MAMDC2: variants seen among roughly 807,000 people sequenced by gnomAD.
The protein encoded by MAMDC2 is MAM domain-containing protein 2.
In MAMDC2, 57 loss-of-function variants were observed where a neutral mutation model predicts 89.8. That is an observed-to-expected ratio of 0.63 (90% CI 0.51 to 0.79). The LOEUF (loss-of-function observed/expected upper bound fraction) is 0.79. Ranked by LOEUF, MAMDC2 falls within the 30% of genes least tolerant of loss-of-function variation. The pLI, the probability that MAMDC2 is intolerant of heterozygous loss-of-function variation, is 0.00. For missense variants in MAMDC2, 800 were observed against 820.6 expected, an observed-to-expected ratio of 0.97 and a Z score of 0.31; for synonymous variants, 313 against 293.4, an observed-to-expected ratio of 1.07 and a Z score of -0.68.
intron 8 of MAMDC2, 66 bp from the exon 9 acceptor site, chr9:70,143,488 A>AT: frequency 4.5e-6 from 7 of 1,556,682 alleles, no homozygotes; most frequent in Non-Finnish European, 6.1e-6. Context: ...CTTTAATCAT[A>AT]TTTTACCACT....
At chr9:70,200,539 T>C (rs2033080083) in intron 11 of MAMDC2, among the ~76,000 whole-genome samples, 1 of 151,824 alleles carries the variant, frequency 6.6e-6, no homozygotes, top group Non-Finnish European at 1.5e-5. Flanking sequence ...ATGCGGGCTC[T>C]TTTTTGGTTC....
chr9:70,205,001 G>A (rs965466698), intron 11 of MAMDC2, among the ~76,000 whole-genome samples: 1 of 152,226 alleles, frequency 6.6e-6, no homozygotes, highest in Non-Finnish European at 1.5e-5. Flanking sequence ...TGGAAATGCA[G>A]AAATCACCCG....
chr9:70,170,806 CTGTT>C, intron 11 of MAMDC2, 175 bp downstream of exon 11: 1 of 548,158 alleles, frequency 1.8e-6, no homozygotes, highest in Non-Finnish European at 3.1e-6. Context: ...CTCATCCTTT[CTGTT>C]TATTACATTG....
Position 70,140,227 on chromosome 9 carries a change from T to A in MAMDC2, c.1077T>A (p.Gly359=). The A allele has an allele frequency of 6.2e-7, 1 of 1,601,152 alleles. No individual in the cohort carries two copies. The highest frequency in any genetic ancestry group is 8.5e-7 in the Non-Finnish European group (1 of 1,176,060). The change falls in exon 8 of 14, where the codon GGT becomes GGA. Residue 359 remains glycine (G), a synonymous_variant. Transcript: ENST00000377182. The part of the protein sequence containing the change: ...CNFYQDKEGP[G]WTRVKVKPNM... ...TTTACCAAGATAAAGAAGGTCCAGG[T>A]TGGACCCGAGTGAAAGTAAAACCAA...
intron 11 of MAMDC2, among the ~76,000 whole-genome samples, chr9:70,173,245 A>G (rs2032405571): frequency 6.6e-6 from 1 of 152,014 alleles, no homozygotes; most frequent in African/African-American, 2.4e-5. Flanking sequence ...AAAATACCCA[A>G]ACTGAATCTC....
chr9:70,054,200 C>T (rs533213652), intron 2 of MAMDC2, among the ~76,000 whole-genome samples: 10 of 152,028 alleles, frequency 6.6e-5, no homozygotes, highest in Non-Finnish European at 1.5e-4. Flanking sequence ...AGTATGGGAA[C>T]CTTTAGCAGA....
chr9:70,147,322 G>T (rs1390009589), intron 9 of MAMDC2, among the ~76,000 whole-genome samples: 2 of 149,954 alleles, frequency 1.3e-5, no homozygotes, highest in Admixed American at 1.3e-4. Flanking sequence ...TTTTCTGATG[G>T]TTTTTCTTCC....
At chr9:70,117,817 C>T (rs1430061739) in intron 5 of MAMDC2, among the ~76,000 whole-genome samples, 1 of 152,174 alleles carries the variant, frequency 6.6e-6, no homozygotes, top group South Asian at 2.1e-4. Flanking sequence ...GGATTTCTCA[C>T]CACCTGTAAT....
rs1215738162 is a variant in MAMDC2, at chr9:70,221,356, A to AATATATATATATAT, written c.1911+2772_1911+2785dup. Among the ~76,000 whole-genome samples, 66 of 9,372 alleles carry AATATATATATATAT rather than the reference A, an allele frequency of 7.0e-3. 8 individuals carry two copies. Among genetic ancestry groups the AATATATATATATAT allele is most frequent in the East Asian group, 0.033 (5 of 152 alleles). 6.1% of individuals were successfully genotyped at this position (9,372 alleles called of 152,430 possible). On this transcript the variant is annotated intron_variant, in intron 12 of 13. Coordinates refer to ENST00000377182, the MANE Select transcript of MAMDC2 (RefSeq NM_153267.5). ...AAAAAAAAAAGCAAGCCAAACAACAAATATATATATATATATATATATATA... is the reference window on the plus strand; with the variant it reads ...AAAAAAAAAAGCAAGCCAAACAACAAATATATATATATATATATATATATATATATATATATATA...
chr9:70,070,695 C>T (rs1359432601), intron 2 of MAMDC2, among the ~76,000 whole-genome samples: 1 of 152,086 alleles, frequency 6.6e-6, no homozygotes, highest in Non-Finnish European at 1.5e-5. Flanking sequence ...GAATTATATT[C>T]AAACTTCAGT....
chr9:70,087,752 T>C (rs1417591569), intron 2 of MAMDC2: 1 of 152,134 alleles, frequency 6.6e-6, no homozygotes, highest in African/African-American at 2.4e-5. Flanking sequence ...AGGGAATGGA[T>C]ACTAAGAAGG....
chr9:70,143,182 A>G (rs1246529575), intron 8 of MAMDC2, among the ~76,000 whole-genome samples: 1 of 152,162 alleles, frequency 6.6e-6, no homozygotes, highest in East Asian at 1.9e-4. Flanking sequence ...CCTTCCATTC[A>G]CTATGGTTCA....
chr9:70,209,971 C>G (rs1009021677), intron 11 of MAMDC2, among the ~76,000 whole-genome samples: 2 of 152,142 alleles, frequency 1.3e-5, no homozygotes, highest in Non-Finnish European at 1.5e-5. Flanking sequence ...ATTCTGAGTT[C>G]TAGTTTGACT....
chr9:70,109,581 C>T (rs1325868443), intron 3 of MAMDC2, 139 bp from the exon 4 acceptor site: 11 of 670,584 alleles, frequency 1.6e-5, no homozygotes, highest in Admixed American at 1.0e-4. Flanking sequence ...AAATTGGTAT[C>T]CAATAGCAAT....
intron 11 of MAMDC2, among the ~76,000 whole-genome samples, chr9:70,215,241 G>A (rs2033422251): frequency 8.0e-6 from 1 of 125,118 alleles, no homozygotes; most frequent in South Asian, 3.1e-4. Flanking sequence ...ACTTTCTGAA[G>A]TGGTAAACCA....
chr9:70,051,957 A>G (rs553956530), intron 2 of MAMDC2, among the ~76,000 whole-genome samples: 10 of 152,334 alleles, frequency 6.6e-5, no homozygotes, highest in African/African-American at 2.2e-4. Flanking sequence ...AGTTTCACCT[A>G]CAGAATGGTT....
intron 11 of MAMDC2, among the ~76,000 whole-genome samples, chr9:70,193,424 A>G (rs2032922765): frequency 6.6e-6 from 1 of 152,068 alleles, no homozygotes. Flanking sequence ...ACTGAATAAA[A>G]CCCATTCAAG....
chr9:70,154,186 G>A (rs1408483645), intron 9 of MAMDC2: 2 of 152,110 alleles, frequency 1.3e-5, no homozygotes, highest in South Asian at 2.1e-4. Context: ...TGGAGAATAC[G>A]GCTCCATGTT....
At chr9:70,117,842 A>G (rs1047118439) in intron 5 of MAMDC2, among the ~76,000 whole-genome samples, 3 of 152,254 alleles carry the variant, frequency 2.0e-5, no homozygotes, top group African/African-American at 7.2e-5. Context: ...TTCTGTGCTC[A>G]TGTACATTAT....
Sources: gnomAD v4.1 joint callset for allele counts (sites outside exome capture counted in the v4.1 genomes callset) on GRCh38, gnomAD v4.1.1 for gene constraint, MANE v1.5 for transcripts, NCBI Gene and HGNC (gene_info 2026-07-23, HGNC 2026-07-21) for gene names.